Variants in NRG3 observed in about 807,000 individuals in gnomAD.
NRG3 encodes the protein pro-neuregulin-3, membrane-bound isoform.
In NRG3, 31 loss-of-function variants were observed where a neutral mutation model predicts 66.9. The observed-to-expected ratio is 0.46, with a 90% confidence interval of 0.35 to 0.63. NRG3 has a LOEUF of 0.63. Among genes scored for constraint, NRG3 ranks in the 20% least tolerant of loss-of-function variants. The pLI is 0.00. For missense variants in NRG3, 910 were observed against 878.9 expected, an observed-to-expected ratio of 1.04 and a Z score of -0.45; for synonymous variants, 393 against 359.4, an observed-to-expected ratio of 1.09 and a Z score of -1.06.
At chr10:82,374,887 G>A (rs141477418) in intron 2 of NRG3, among the ~76,000 whole-genome samples, 159 of 152,240 alleles carry the variant, frequency 1.0e-3, no homozygotes, top group Middle Eastern at 3.4e-3. Flanking sequence ...TTATGGAAAC[G>A]TCTGTTTATC....
At chr10:82,037,568 AT>A (rs2062842969) in intron 1 of NRG3, among the ~76,000 whole-genome samples, 1 of 151,984 alleles carries the variant, frequency 6.6e-6, no homozygotes, top group Non-Finnish European at 1.5e-5. Flanking sequence ...TGAAAAATCG[AT>A]TTTTTTCTAA....
chr10:82,844,852 G>A (rs540432005), intron 3 of NRG3, among the ~76,000 whole-genome samples: 1 of 152,108 alleles, frequency 6.6e-6, no homozygotes, highest in African/African-American at 2.4e-5. Context: ...AAAATAGGTT[G>A]GAAATTTAAA....
intron 2 of NRG3, among the ~76,000 whole-genome samples, chr10:82,568,654 T>A (rs2045557934): frequency 6.6e-6 from 1 of 151,788 alleles, no homozygotes; most frequent in African/African-American, 2.4e-5. Context: ...TCTAAATATA[T>A]GATGTCTAGC....
At position 82,678,895 on chromosome 10, in the gene NRG3, G is replaced by C. The variant is rs992974887; in HGVS notation, c.954-59682G>C. 7.4e-4 allele frequency among the ~76,000 whole-genome samples: 112 copies of C among 152,198 alleles called. 1 individual carries two copies. Among genetic ancestry groups the C allele is most frequent in the African/African-American group, 2.4e-3 (99 of 41,528 alleles). ...ATCATGTCTTCCTTGATATTTCTGA[G>C]CACCGTGTATACATATGTATGTAAT... On this transcript the variant is annotated intron_variant, in intron 2 of 8. Coordinates refer to ENST00000372141, the MANE Select transcript of NRG3 (RefSeq NM_001010848.4).
chr10:82,132,914 A>G lies in NRG3; in HGVS notation c.824-225825A>G, dbSNP rs540530927. Among the ~76,000 whole-genome samples, 14 of 152,098 alleles carry G rather than the reference A, an allele frequency of 9.2e-5. No homozygotes were observed. The South Asian group carries it at 2.7e-3, about 29-fold the overall frequency. On this transcript the variant is annotated intron_variant, in intron 1 of 8. Transcript: ENST00000372141. ...TCTTTGAATTTCTTCAATATAAATT[A>G]TGACATATCTTTTTCAATCTCTGAT...
chr10:82,553,060 C>T (rs1001207490), intron 2 of NRG3, among the ~76,000 whole-genome samples: 12 of 151,880 alleles, frequency 7.9e-5, no homozygotes, highest in Admixed American at 3.3e-4. Flanking sequence ...CACACACACA[C>T]CCCTTTATGG....
intron 2 of NRG3, among the ~76,000 whole-genome samples, chr10:82,359,873 A>G (rs756526642): frequency 1.4e-4 from 22 of 152,184 alleles, no homozygotes; most frequent in Non-Finnish European, 2.8e-4. Context: ...TGCATTGTAT[A>G]GTTATGAACT....
chr10:82,961,609 A>G (rs1850646493), intron 6 of NRG3, among the ~76,000 whole-genome samples: 1 of 152,212 alleles, frequency 6.6e-6, no homozygotes, highest in Non-Finnish European at 1.5e-5. Context: ...CACTTTGGCT[A>G]TTGCATGCTG....
intron 1 of NRG3, among the ~76,000 whole-genome samples, chr10:82,126,874 C>T (rs1434589448): frequency 6.6e-6 from 1 of 151,994 alleles, no homozygotes; most frequent in African/African-American, 2.4e-5. Flanking sequence ...TTCATAAGAG[C>T]CCAGGTTGGA....
chr10:82,577,579 A>G (rs949738496), intron 2 of NRG3, among the ~76,000 whole-genome samples: 5 of 151,792 alleles, frequency 3.3e-5, no homozygotes, highest in African/African-American at 4.8e-5. Flanking sequence ...AAGGATCCCT[A>G]CATTTAAGAG....
chr10:82,253,264 C>T (rs1032254290), intron 1 of NRG3, among the ~76,000 whole-genome samples: 5 of 152,146 alleles, frequency 3.3e-5, no homozygotes, highest in Admixed American at 2.6e-4. Flanking sequence ...CTGGGAGCAC[C>T]ACTTTTCTTT....
intron 4 of NRG3, among the ~76,000 whole-genome samples, chr10:82,896,412 G>A (rs1362677494): frequency 6.6e-6 from 1 of 152,158 alleles, no homozygotes; most frequent in Non-Finnish European, 1.5e-5. Context: ...GAGGAATCAA[G>A]GATCTGTAGA....
At chr10:82,842,110 G>A (rs866000139) in intron 3 of NRG3, among the ~76,000 whole-genome samples, 1 of 152,090 alleles carries the variant, frequency 6.6e-6, no homozygotes, top group South Asian at 2.1e-4. Flanking sequence ...AATTTTCCAG[G>A]CGTGGTGGTG....
At chr10:82,746,567 GTCATC>G (rs1441177081) in intron 3 of NRG3, among the ~76,000 whole-genome samples, 1 of 152,158 alleles carries the variant, frequency 6.6e-6, no homozygotes, top group Non-Finnish European at 1.5e-5. Flanking sequence ...CTTCCTCTCT[GTCATC>G]TCTCCTCTGT....
At chr10:82,791,971 A>G (rs1393868619) in intron 3 of NRG3, among the ~76,000 whole-genome samples, 1 of 152,106 alleles carries the variant, frequency 6.6e-6, no homozygotes, top group Non-Finnish European at 1.5e-5. Flanking sequence ...TATGGCTGCT[A>G]GATTGTTAAA....
chr10:82,550,352 G>C lies in NRG3; in HGVS notation c.954-188225G>C, dbSNP rs996095369. 3.9e-5 allele frequency among the ~76,000 whole-genome samples: 6 copies of C among 152,158 alleles called. 2 individuals are homozygous for C. The South Asian group carries it at 1.0e-3, about 26-fold the overall frequency. ...ATGTTCAGCAAGGGAAGTCGGGATAGTAATGTCCTGTATTACCCTTGCTGG... is the reference window on the plus strand; with the variant it reads ...ATGTTCAGCAAGGGAAGTCGGGATACTAATGTCCTGTATTACCCTTGCTGG... On this transcript the variant is annotated intron_variant, in intron 2 of 8. Transcript: ENST00000372141.
chr10:82,623,241 G>C (rs2049165461), intron 2 of NRG3, among the ~76,000 whole-genome samples: 1 of 152,106 alleles, frequency 6.6e-6, no homozygotes, highest in Non-Finnish European at 1.5e-5. Flanking sequence ...TAGGACTTAA[G>C]GATTCTGAAG....
chr10:82,153,659 C>T (rs2070957624), intron 1 of NRG3, among the ~76,000 whole-genome samples: 1 of 151,982 alleles, frequency 6.6e-6, no homozygotes, highest in African/African-American at 2.4e-5. Context: ...ATAGTGGCTA[C>T]ACTAATTTAC....
intron 2 of NRG3, among the ~76,000 whole-genome samples, chr10:82,561,975 A>G (rs775562839): frequency 6.6e-6 from 1 of 152,184 alleles, no homozygotes; most frequent in Admixed American, 6.5e-5. Context: ...GGTTTATTTT[A>G]AATTCTCTAC....
Sources: gnomAD v4.1 joint callset for allele counts (sites outside exome capture counted in the v4.1 genomes callset) on GRCh38, gnomAD v4.1.1 for gene constraint, MANE v1.5 for transcripts, NCBI Gene and HGNC (gene_info 2026-07-23, HGNC 2026-07-21) for gene names.